The following CCDC172 variants were observed in gnomAD, a reference collection of about 807,000 sequenced individuals.
The protein encoded by CCDC172 is coiled-coil domain containing 172.
Under a neutral mutation model 38.0 loss-of-function variants are expected in CCDC172, and 30 were observed. The observed-to-expected ratio is 0.79, with a 90% CI of 0.59 to 1.07. The LOEUF is 1.07. CCDC172 is among the 50% of genes least tolerant of loss of function. The pLI is 0.00. For missense variants in CCDC172, 297 were observed against 290.1 expected (o/e 1.02, Z -0.17); for synonymous variants, 78 against 88.3 (o/e 0.88, Z 0.66).
At chr10:116,327,723 C>G (rs1844608665) in intron 3 of CCDC172, among the ~76,000 whole-genome samples, 1 of 151,932 alleles carries the variant, frequency 6.6e-6, no homozygotes, top group South Asian at 2.1e-4. Flanking sequence ...GGTCACAGTT[C>G]ATACAATACT....
chr10:116,343,538 A>AAAT (rs1844826951), intron 5 of CCDC172, among the ~76,000 whole-genome samples: 3 of 148,920 alleles, frequency 2.0e-5, no homozygotes, highest in African/African-American at 7.5e-5. Flanking sequence ...TTTTTAAAAA[A>AAAT]ATATATATAA....
chr10:116,378,631 G>T (rs1845277836), intron 8 of CCDC172, 121 bp downstream of exon 8: 2 of 725,410 alleles, frequency 2.8e-6, no homozygotes, highest in Non-Finnish European at 4.5e-6. Flanking sequence ...AAACAGAAAA[G>T]CAATAATGAA....
At chr10:116,364,187 T>A (rs1845096873) in intron 7 of CCDC172, among the ~76,000 whole-genome samples, 1 of 152,148 alleles carries the variant, frequency 6.6e-6, no homozygotes, top group East Asian at 1.9e-4. Flanking sequence ...GATACCAACA[T>A]GAGTAAGACA....
At chr10:116,374,273 C>T (rs560005978) in intron 7 of CCDC172, among the ~76,000 whole-genome samples, 13 of 151,866 alleles carry the variant, frequency 8.6e-5, no homozygotes, top group African/African-American at 1.9e-4. Context: ...AAGTGCTTCC[C>T]GTAAGTGAAA....
intron 3 of CCDC172, among the ~76,000 whole-genome samples, chr10:116,327,593 T>C (rs1844607313): frequency 6.6e-6 from 1 of 152,130 alleles, no homozygotes; most frequent in South Asian, 2.1e-4. Context: ...TACCATTGTT[T>C]AGAAACATTT....
chr10:116,351,606 G>A (rs890385814), intron 5 of CCDC172, among the ~76,000 whole-genome samples: 5 of 152,080 alleles, frequency 3.3e-5, no homozygotes, highest in African/African-American at 1.2e-4. Context: ...ATTATGTGGA[G>A]AACTTTTACG....
chr10:116,351,298 C>A (rs1032580689), intron 5 of CCDC172, among the ~76,000 whole-genome samples: 2 of 151,984 alleles, frequency 1.3e-5, no homozygotes, highest in African/African-American at 4.8e-5. Context: ...ATATTTTAAA[C>A]TTTTGTTTAT....
intron 3 of CCDC172, among the ~76,000 whole-genome samples, chr10:116,326,420 A>C (rs1264964545): frequency 6.6e-6 from 1 of 152,206 alleles, no homozygotes; most frequent in Non-Finnish European, 1.5e-5. Context: ...AGCACTGTGT[A>C]ATATGAAGTC....
At chr10:116,335,625 A>G (rs1844720772) in intron 3 of CCDC172, among the ~76,000 whole-genome samples, 1 of 152,048 alleles carries the variant, frequency 6.6e-6, no homozygotes, top group Admixed American at 6.6e-5. Context: ...AGAATATAAC[A>G]TCTTTTTCTG....
rs555783617 is a variant in CCDC172, at chr10:116,353,724, G to GA, written c.449-3648dup. Among the ~76,000 whole-genome samples the GA allele has an allele frequency of 1.8e-4, 27 of 151,636 alleles. 2 individuals are homozygous for GA. In the East Asian group the frequency reaches 4.1e-3, roughly 23 times the overall value. ...TGTTTGAGTGTAAATAGTTTAAAAA[G>GA]AAAAAAAATATTTTTATACAAATGT... On this transcript the variant is annotated intron_variant, in intron 5 of 8. Coordinates refer to ENST00000333254, the MANE Select transcript of CCDC172 (RefSeq NM_198515.3).
At chr10:116,375,019 G>A (rs1409086178) in intron 7 of CCDC172, among the ~76,000 whole-genome samples, 2 of 151,872 alleles carry the variant, frequency 1.3e-5, no homozygotes, top group Non-Finnish European at 2.9e-5. Context: ...AATGTTTAAT[G>A]GTATTTCCTT....
rs747625473 is a variant in CCDC172 at position 116,324,957 on chromosome 10, G to T, written c.-55G>T. The T allele has an allele frequency of 2.9e-6, 4 of 1,401,132 alleles. No homozygotes were observed. The highest frequency in any genetic ancestry group is 4.1e-6 in the Non-Finnish European group (4 of 987,468). The allele number at this position is 1,401,132 out of a possible 1,614,324, so 86.8% of individuals were successfully genotyped here. On this transcript the variant is annotated 5_prime_UTR_variant, in exon 2 of 9. Coordinates refer to ENST00000333254, the MANE Select transcript of CCDC172 (RefSeq NM_198515.3). ...TATTCTGCTTTCCAGGATCCTCAGAGTTGGTTATAAAATATTTAAGGGCGA... is the reference window on the plus strand; with the variant it reads ...TATTCTGCTTTCCAGGATCCTCAGATTTGGTTATAAAATATTTAAGGGCGA...
chr10:116,327,888 T>C (rs1844610321), intron 3 of CCDC172, among the ~76,000 whole-genome samples: 1 of 152,150 alleles, frequency 6.6e-6, no homozygotes, highest in Non-Finnish European at 1.5e-5. Context: ...TCTTTTATTC[T>C]GAGTTAATTA....
Position 116,338,697 on chromosome 10 carries a change from A to G in CCDC172, c.166-2037A>G, listed in dbSNP as rs2134917354. On this transcript the variant is annotated intron_variant, in intron 3 of 8. Transcript: ENST00000333254. Reference sequence around the variant, plus strand: ...GAAAGAAGACGTGGGCTCAGTGGTAATTTAAGCTCTTAGTCATTGATAGCT... The same window carrying G: ...GAAAGAAGACGTGGGCTCAGTGGTAGTTTAAGCTCTTAGTCATTGATAGCT... 2.0e-5 allele frequency among the ~76,000 whole-genome samples: 3 copies of G among 152,196 alleles called. No individual in the cohort carries two copies. In the Middle Eastern group the frequency reaches 0.01, roughly 518 times the overall value.
chr10:116,328,665 AAT>A (rs140851827), intron 3 of CCDC172, among the ~76,000 whole-genome samples: 3,944 of 152,216 alleles, frequency 0.026, 73 homozygotes, highest in Non-Finnish European at 0.041. Flanking sequence ...ATAATAAAAG[AAT>A]ATTTCATGAA....
At chr10:116,341,446 G>T (rs1230241327) in intron 4 of CCDC172, among the ~76,000 whole-genome samples, 1 of 151,970 alleles carries the variant, frequency 6.6e-6, no homozygotes, top group African/African-American at 2.4e-5. Context: ...TTATATTCTA[G>T]CATTGTCAAA....
chr10:116,358,908 G>A (rs898567862), intron 7 of CCDC172, among the ~76,000 whole-genome samples: 22 of 151,856 alleles, frequency 1.4e-4, no homozygotes, highest in African/African-American at 4.8e-4. Flanking sequence ...CAGTTTTGTA[G>A]GTTTATCACT....
At position 116,324,640 on chromosome 10, in the gene CCDC172, C is replaced by G. The variant is rs1844566809; in HGVS notation, c.-66+27C>G. 1.6e-5 allele frequency: 3 copies of G among 189,716 alleles called. No individual in the cohort carries two copies. The South Asian group carries it at 4.2e-4, about 27-fold the overall frequency. The allele number at this position is 189,716 out of a possible 1,614,324, so 11.8% of individuals were successfully genotyped here. ...TCTTGGCAGCCTTTTTATTTGCCAC[C>G]AAAGCGAAAAACAAACCCAGGGAGG... is the stretch of plus-strand genomic sequence containing the variant. On this transcript the variant is annotated intron_variant, in intron 1 of 8. Coordinates refer to ENST00000333254, the MANE Select transcript of CCDC172 (RefSeq NM_198515.3).
At chr10:116,343,620 T>G (rs1844828037) in intron 5 of CCDC172, among the ~76,000 whole-genome samples, 1 of 152,062 alleles carries the variant, frequency 6.6e-6, no homozygotes, top group Non-Finnish European at 1.5e-5. Context: ...TTCCTTTTTT[T>G]TACTGCCTCT....
Sources: gnomAD v4.1 joint callset for allele counts (sites outside exome capture counted in the v4.1 genomes callset) on GRCh38, gnomAD v4.1.1 for gene constraint, MANE v1.5 for transcripts, NCBI Gene and HGNC (gene_info 2026-07-23, HGNC 2026-07-21) for gene names.